DYRK1A: variants seen among roughly 807,000 people sequenced by gnomAD.
DYRK1A encodes dual specificity tyrosine-phosphorylation-regulated kinase 1A.
In DYRK1A, 9 loss-of-function variants were observed where a neutral mutation model predicts 79.7. The ratio of observed to expected loss-of-function variants is 0.11; its 90% CI spans 0.07 to 0.20. The LOEUF is 0.20. DYRK1A is among the 10% of genes least tolerant of loss of function. DYRK1A has a pLI of 1.00. For synonymous variants in DYRK1A, 349 were observed against 329.7 expected, an observed-to-expected ratio of 1.06 and a Z score of -0.63; for missense variants, 622 against 956.0, an observed-to-expected ratio of 0.65 and a Z score of 4.61.
Position 37,433,667 on chromosome 21 carries a change from A to G in DYRK1A, c.10+13283A>G, listed in dbSNP as rs192757065. Among the ~76,000 whole-genome samples, 21 of 152,314 alleles carry G rather than the reference A, an allele frequency of 1.4e-4. No individual in the cohort carries two copies. The East Asian group carries it at 2.3e-3, about 17-fold the overall frequency. ...ATTAAATACTTTGGTTTCGACAGTGATTTTCAAACCTGTCTTAAGCCTTGA... is the reference window on the plus strand; with the variant it reads ...ATTAAATACTTTGGTTTCGACAGTGGTTTTCAAACCTGTCTTAAGCCTTGA... On this transcript the variant is annotated intron_variant, in intron 2 of 11. Transcript: ENST00000647188.
chr21:37,464,906 G>C (rs2051972952), intron 2 of DYRK1A, among the ~76,000 whole-genome samples: 1 of 152,114 alleles, frequency 6.6e-6, no homozygotes, highest in South Asian at 2.1e-4. Context: ...TATGAAATCA[G>C]GTTAACTAGA....
At chr21:37,492,977 T>C (rs1328036329) in intron 7 of DYRK1A, 40 bp from the exon 8 acceptor site, 3 of 1,518,110 alleles carry the variant, frequency 2.0e-6, no homozygotes, top group South Asian at 1.2e-5. Context: ...GACTGCAGTT[T>C]TAAGCAATTG....
At chr21:37,476,207 T>A (rs1396685494) in intron 3 of DYRK1A, among the ~76,000 whole-genome samples, 1 of 152,178 alleles carries the variant, frequency 6.6e-6, no homozygotes, top group African/African-American at 2.4e-5. Context: ...CTCTGGGACC[T>A]TGGTCAAGTT....
At chr21:37,490,141 A>C (rs1442524641) in intron 6 of DYRK1A, 34 bp from the exon 7 acceptor site, 4 of 1,587,790 alleles carry the variant, frequency 2.5e-6, no homozygotes, top group Non-Finnish European at 3.4e-6. Context: ...TTATTGGTAT[A>C]TATAATTTAA....
At chr21:37,400,296 C>T (rs1346572459) in intron 1 of DYRK1A, among the ~76,000 whole-genome samples, 1 of 152,156 alleles carries the variant, frequency 6.6e-6, no homozygotes, top group Non-Finnish European at 1.5e-5. Context: ...TCAAGATTCT[C>T]AACTTAATCA....
intron 5 of DYRK1A, among the ~76,000 whole-genome samples, chr21:37,484,302 G>A (rs1197580715): frequency 1.3e-5 from 2 of 149,822 alleles, no homozygotes; most frequent in African/African-American, 4.9e-5. Context: ...CTTCACTAAC[G>A]TTTGGGCAGT....
At chr21:37,441,093 T>G (rs999818979) in intron 2 of DYRK1A, among the ~76,000 whole-genome samples, 8 of 152,170 alleles carry the variant, frequency 5.3e-5, no homozygotes, top group Non-Finnish European at 1.2e-4. Flanking sequence ...TTCATAGATG[T>G]TCAGGATTTA....
rs1002756608 is a variant in DYRK1A, at chr21:37,383,632, C to T, written c.-77+16004C>T. On this transcript the variant is annotated intron_variant, in intron 1 of 11. Transcript: ENST00000647188. ...CCTGTTTATTGATTTAATTAGTTTG[C>T]TGAATTTGAGTGCCTCTTCTTGGCT... Among the ~76,000 whole-genome samples, 16 of 152,234 alleles carry T rather than the reference C, an allele frequency of 1.1e-4. 1 individual carries two copies. In the South Asian group the frequency reaches 3.3e-3, roughly 32 times the overall value.
intron 7 of DYRK1A, 115 bp downstream of exon 7, chr21:37,490,576 GT>G: frequency 5.2e-6 from 2 of 381,010 alleles, no homozygotes; most frequent in Non-Finnish European, 7.5e-6. Context: ...TGCAGTTGCT[GT>G]TTTTGCAGTG....
intron 2 of DYRK1A, among the ~76,000 whole-genome samples, chr21:37,444,898 A>C (rs553873732): frequency 2.7e-4 from 41 of 152,180 alleles, no homozygotes; most frequent in Middle Eastern, 3.4e-3. Flanking sequence ...AAGAGCAGAG[A>C]TTTTTCTGGG....
chr21:37,462,057 A>G (rs919108417), intron 2 of DYRK1A, among the ~76,000 whole-genome samples: 1 of 151,908 alleles, frequency 6.6e-6, no homozygotes, highest in African/African-American at 2.4e-5. Context: ...CTCTATTAAG[A>G]TTCACTATTC....
At chr21:37,482,075 C>T (rs1393234806) in intron 5 of DYRK1A, among the ~76,000 whole-genome samples, 1 of 152,170 alleles carries the variant, frequency 6.6e-6, no homozygotes, top group Non-Finnish European at 1.5e-5. Flanking sequence ...ATCAAAATGA[C>T]TTTTCCTAAA....
chr21:37,418,620 C>T (rs1013469502), intron 1 of DYRK1A, among the ~76,000 whole-genome samples: 25 of 152,152 alleles, frequency 1.6e-4, no homozygotes, highest in Admixed American at 1.1e-3. Flanking sequence ...CCCCATAGTT[C>T]ATGTCATAAT....
intron 11 of DYRK1A, among the ~76,000 whole-genome samples, chr21:37,510,508 TAAAAAGA>T (rs1243491047): frequency 6.6e-6 from 1 of 152,190 alleles, no homozygotes; most frequent in East Asian, 1.9e-4. Context: ...CATTAGCTGT[TAAAAAGA>T]AAATAAGGAT....
intron 1 of DYRK1A, among the ~76,000 whole-genome samples, chr21:37,372,050 T>C (rs904312519): frequency 6.6e-6 from 1 of 152,030 alleles, no homozygotes; most frequent in Non-Finnish European, 1.5e-5. Flanking sequence ...AGCTATGCAT[T>C]TTCTCTTCTG....
rs1227362507 is a variant in DYRK1A at position 37,367,464 on chromosome 21, G to A, written c.-241G>A. The stretch of plus-strand genomic sequence containing the variant: ...GGGCGCCGCTGGAACCGCGAGCCGA[G>A]GAGAGACTGAGCAGGCTGCGGCGCG... On this transcript the variant is annotated 5_prime_UTR_variant, in exon 1 of 12. Coordinates refer to ENST00000647188, the MANE Select transcript of DYRK1A (RefSeq NM_001347721.2). 1 of 148,898 alleles carries A rather than the reference G, an allele frequency of 6.7e-6. No individual in the cohort carries two copies. Among genetic ancestry groups the A allele is most frequent in the East Asian group, 2.0e-4 (1 of 5,066 alleles). The allele number at this position is 148,898 out of a possible 1,614,324, so 9.2% of individuals were successfully genotyped here.
intron 5 of DYRK1A, 159 bp from the exon 6 acceptor site, chr21:37,486,308 T>A (rs569833631): frequency 2.2e-6 from 1 of 447,446 alleles, no homozygotes; most frequent in East Asian, 3.6e-5. Flanking sequence ...ATATATTGAA[T>A]AGAAATAGAT....
At chr21:37,506,993 C>A (rs1033436812) in intron 11 of DYRK1A, among the ~76,000 whole-genome samples, 3 of 152,226 alleles carry the variant, frequency 2.0e-5, no homozygotes, top group African/African-American at 7.2e-5. Context: ...GGCAGTCTTA[C>A]ATGTTTTCCA....
At chr21:37,383,832 GGTGTATGT>G (rs1453305219) in intron 1 of DYRK1A, among the ~76,000 whole-genome samples, 6 of 115,480 alleles carry the variant, frequency 5.2e-5, no homozygotes, top group African/African-American at 2.1e-4. Context: ...GATAGGTAAT[GGTGTATGT>G]GTGTGTGTGT....
Sources: allele counts gnomAD v4.1 joint callset (sites outside exome capture counted in the v4.1 genomes callset), GRCh38; gene constraint gnomAD v4.1.1; transcripts MANE v1.5; gene names NCBI Gene and HGNC (gene_info 2026-07-23, HGNC 2026-07-21).